KIF13B: variants seen among roughly 807,000 people sequenced by gnomAD.
KIF13B encodes kinesin family member 13B.
A neutral mutation model predicts 222.0 loss-of-function variants in KIF13B; 127 were observed. The ratio of observed to expected loss-of-function variants is 0.57; its 90% CI spans 0.50 to 0.66. KIF13B has a LOEUF of 0.66. Among genes scored for constraint, KIF13B ranks in the 30% least tolerant of loss-of-function variants. KIF13B has a pLI of 0.00. For synonymous variants in KIF13B, 976 were observed against 919.0 expected (o/e 1.06, Z -1.12); for missense variants, 2,173 against 2,379.0 (o/e 0.91, Z 1.80).
At chr8:29,101,732 G>A (rs1057292992) in intron 35 of KIF13B, among the ~76,000 whole-genome samples, 1 of 152,074 alleles carries the variant, frequency 6.6e-6, no homozygotes, top group Non-Finnish European at 1.5e-5. Context: ...TGCTCCCCCC[G>A]CAACCCCACC....
At position 29,116,946 on chromosome 8, in the gene KIF13B, G is replaced by A. The variant is rs748115588; in HGVS notation, c.3722C>T (p.Thr1241Met). Residue 1241 changes from threonine (T) to methionine (M), a missense_variant, in exon 31 of 40, where the codon ACG (threonine) becomes ATG (methionine). By Grantham distance (81) the Thr-to-Met change is moderately conservative. Around this residue, in one of 2 missense-constraint regions of KIF13B, gnomAD observed 1,480 missense variants for 1,722.8 expected, o/e 0.86. Transcript: ENST00000524189. The part of the protein sequence containing the change: ...VHGCPQLSRG[T>M]PVDERLFLIV... Reference sequence around the variant, plus strand: ...CAGGAACAACCGCTCGTCCACGGGCGTGCCCCTGCTGAGCTGAGGGCAGCC... The same window carrying A: ...CAGGAACAACCGCTCGTCCACGGGCATGCCCCTGCTGAGCTGAGGGCAGCC... 14 of 1,611,858 alleles carry A rather than the reference G, an allele frequency of 8.7e-6. No individual in the cohort carries two copies. The Admixed American group carries it at 1.0e-4, about 12-fold the overall frequency.
intron 2 of KIF13B, among the ~76,000 whole-genome samples, chr8:29,225,020 G>C (rs1278793115): frequency 6.6e-6 from 1 of 152,154 alleles, no homozygotes; most frequent in African/African-American, 2.4e-5. Context: ...TGTTACAGCT[G>C]CAAGGAAAAA....
Position 29,263,030 on chromosome 8 carries a change from C to G in KIF13B, c.5G>C (p.Gly2Ala). M[G>A]DSKVKVAVRI... is the part of the protein sequence containing the mutation. ...CACCGCCACTTTCACTTTGGAGTCC[C>G]CCATCCTGCAGCCGCCGAGGAACTC... The change falls in exon 1 of 40, where the codon GGG becomes GCG. Residue 2 changes from glycine to alanine, a missense_variant. Transcript: ENST00000524189. 2 of 1,596,364 alleles carry G rather than the reference C, an allele frequency of 1.3e-6. No homozygotes were observed. Among genetic ancestry groups the G allele is most frequent in the Non-Finnish European group, 1.7e-6 (2 of 1,173,128 alleles).
Position 29,071,755 on chromosome 8 carries a change from C to T in KIF13B, c.5083G>A (p.Asp1695Asn). 6.5e-7 allele frequency: 1 copy of T among 1,549,702 alleles called. No individual in the cohort carries two copies. Residue 1695 changes from aspartate to asparagine, a missense_variant, in exon 39 of 40, where the codon GAC becomes AAC. By Grantham distance (23) the Asp-to-Asn change is conservative (BLOSUM62 1). Around this residue, in one of 2 missense-constraint regions of KIF13B, gnomAD observed 693 missense variants for 656.2 expected, o/e 1.06. Coordinates refer to ENST00000524189, the MANE Select transcript of KIF13B (RefSeq NM_015254.4). This position sits in a 1 kb window ranked among gnomAD's most constrained non-coding sequence, Gnocchi z 4.9. ...QALASDSEEA[D>N]EVPEWLREGE... ...TCTCGGAGCCACTCCGGGACCTCGT[C>T]AGCTTCCTCGGAATCAGAGGCCAGG...
At position 29,099,293 on chromosome 8, in the gene KIF13B, C is replaced by CA. The variant is rs58827774; in HGVS notation, c.4216-53dup. 5.8e-4 allele frequency: 717 copies of CA among 1,243,560 alleles called. 1 individual carries two copies. The highest frequency in any genetic ancestry group is 1.8e-3 in the South Asian group (130 of 72,256). The allele number at this position is 1,243,560 out of a possible 1,614,324, so 77.0% of individuals were successfully genotyped here. On this transcript the variant is annotated intron_variant, in intron 35 of 39. Coordinates refer to ENST00000524189, the MANE Select transcript of KIF13B (RefSeq NM_015254.4). ...GTTTCAAGTTATTCAATTAACCAAACAAAAAAAAATTACAGATACTCAAGA... is the reference window on the plus strand; with the variant it reads ...GTTTCAAGTTATTCAATTAACCAAACAAAAAAAAAATTACAGATACTCAAGA...
At chr8:29,164,457 G>C (rs1056241001) in intron 12 of KIF13B, among the ~76,000 whole-genome samples, 2 of 152,188 alleles carry the variant, frequency 1.3e-5, no homozygotes, top group Non-Finnish European at 2.9e-5. Context: ...CTACTGAGAG[G>C]ATTACATCAA....
In KIF13B at chr8:29,071,744, C is replaced by T. The variant is rs1292878914; in HGVS notation, c.5094G>A (p.Pro1698=). The T allele has an allele frequency of 1.3e-6, 2 of 1,549,850 alleles. No individual in the cohort carries two copies. Among genetic ancestry groups the T allele is most frequent in the Non-Finnish European group, 1.7e-6 (2 of 1,146,644 alleles). The change falls in exon 39 of 40, where the codon CCG becomes CCA. Residue 1698 remains proline, a synonymous_variant. Coordinates refer to ENST00000524189, the MANE Select transcript of KIF13B (RefSeq NM_015254.4). This position sits in a 1 kb window ranked among gnomAD's most constrained non-coding sequence, Gnocchi z 4.9. ...CGAACTCGCCCTCTCGGAGCCACTC[C>T]GGGACCTCGTCAGCTTCCTCGGAAT... ...ASDSEEADEV[P]EWLREGEFVT... is the part of the protein sequence containing the mutation.
intron 8 of KIF13B, among the ~76,000 whole-genome samples, chr8:29,179,808 G>A (rs1028995761): frequency 2.0e-5 from 3 of 152,196 alleles, no homozygotes; most frequent in South Asian, 2.1e-4. Flanking sequence ...TTCTAGAGGT[G>A]TCCTCAGAGG....
intron 22 of KIF13B, among the ~76,000 whole-genome samples, 187 bp from the exon 23 acceptor site, chr8:29,132,652 A>C (rs368842062): frequency 6.6e-6 from 1 of 152,202 alleles, no homozygotes; most frequent in East Asian, 1.9e-4. Context: ...TTGACTTTAA[A>C]CATAAGTATA....
chr8:29,170,850 G>A (rs1488890581), intron 10 of KIF13B, among the ~76,000 whole-genome samples: 2 of 152,232 alleles, frequency 1.3e-5, no homozygotes, highest in African/African-American at 4.8e-5. Flanking sequence ...GGCCAAGGCA[G>A]GAGGATCACT....
At chr8:29,195,679 T>C (rs1441965801) in intron 3 of KIF13B, among the ~76,000 whole-genome samples, 1 of 152,164 alleles carries the variant, frequency 6.6e-6, no homozygotes, top group Non-Finnish European at 1.5e-5. Context: ...GGTGAAAGCA[T>C]GTTCCCTTGA....
At chr8:29,142,325 C>T (rs1335799266) in intron 18 of KIF13B, 22 bp from the exon 19 acceptor site, 1 of 1,599,172 alleles carries the variant, frequency 6.3e-7, no homozygotes, top group Admixed American at 1.7e-5. Context: ...GTAAGAATGA[C>T]CGTGAGAAAC....
intron 10 of KIF13B, among the ~76,000 whole-genome samples, chr8:29,172,174 A>C (rs1338440906): frequency 1.4e-5 from 2 of 142,338 alleles, no homozygotes; most frequent in African/African-American, 5.2e-5. Flanking sequence ...TCCTCCTCCC[A>C]GGTTCACACC....
intron 2 of KIF13B, among the ~76,000 whole-genome samples, chr8:29,201,977 G>A (rs548056583): frequency 7.9e-5 from 12 of 152,322 alleles, no homozygotes; most frequent in African/African-American, 2.9e-4. Flanking sequence ...TCAACTCTCT[G>A]TAAGAAGTAC....
chr8:29,216,485 GCTA>G (rs1455994550), intron 2 of KIF13B, among the ~76,000 whole-genome samples: 1 of 152,094 alleles, frequency 6.6e-6, no homozygotes, highest in East Asian at 1.9e-4. Context: ...TGTAGTCCCA[GCTA>G]CTTGGGAGGC....
At chr8:29,144,004 A>G (rs193154267) in intron 18 of KIF13B, among the ~76,000 whole-genome samples, 430 of 151,864 alleles carry the variant, frequency 2.8e-3, no homozygotes, top group African/African-American at 9.9e-3. Context: ...TAATGTAGAA[A>G]AAATTTTAGA....
chr8:29,262,896 C>T (rs1293159368), intron 1 of KIF13B, 84 bp downstream of exon 1: 4 of 1,144,722 alleles, frequency 3.5e-6, no homozygotes, highest in Non-Finnish European at 4.8e-6. Flanking sequence ...GCGGGGCCGC[C>T]GGACCCCCCA....
At chr8:29,110,136 C>A in intron 32 of KIF13B, 66 bp from the exon 33 acceptor site, 1 of 1,232,798 alleles carries the variant, frequency 8.1e-7, no homozygotes, top group South Asian at 1.3e-5. Context: ...TACACGCGTG[C>A]ACACACAGAC....
chr8:29,263,078 C>T, upstream of KIF13B: 1 of 1,550,404 alleles, frequency 6.4e-7, no homozygotes, highest in Non-Finnish European at 8.7e-7. Context: ...TCTGCCGCGG[C>T]CACCGGCGAC....
Sources: gnomAD v4.1 joint callset for allele counts (sites outside exome capture counted in the v4.1 genomes callset) on GRCh38, gnomAD v4.1.1 for gene constraint, gnomAD v4.1.1 regional missense constraint, Gnocchi (gnomAD v3.1) non-coding constraint, MANE v1.5 for transcripts, NCBI Gene and HGNC (gene_info 2026-07-23, HGNC 2026-07-21) for gene names.